The following PPP4R2 variants were observed in gnomAD, a reference collection of about 807,000 sequenced individuals.
PPP4R2 encodes protein phosphatase 4 regulatory subunit 2.
A neutral mutation model predicts 47.2 loss-of-function variants in PPP4R2; 13 were observed. The ratio of observed to expected loss-of-function variants is 0.28; its 90% CI spans 0.18 to 0.44. PPP4R2 has a LOEUF of 0.44. PPP4R2 is among the 20% of genes least tolerant of loss of function. The pLI, the probability that PPP4R2 is intolerant of heterozygous loss-of-function variation, is 1.00. For synonymous variants in PPP4R2, 151 were observed against 163.3 expected, an observed-to-expected ratio of 0.92 and a Z score of 0.57; for missense variants, 421 against 491.2, an observed-to-expected ratio of 0.86 and a Z score of 1.35.
At chr3:73,017,498 TG>T (rs1451573246) in intron 2 of PPP4R2, among the ~76,000 whole-genome samples, 2 of 152,130 alleles carry the variant, frequency 1.3e-5, no homozygotes, top group African/African-American at 4.8e-5. Context: ...TAGCCACTGG[TG>T]GGTCCCCTGC....
chr3:73,042,147 G>C (rs1376958881), intron 2 of PPP4R2, among the ~76,000 whole-genome samples: 1 of 152,018 alleles, frequency 6.6e-6, no homozygotes, highest in Non-Finnish European at 1.5e-5. Context: ...TATTGGAGGG[G>C]ATTTTATGTG....
intron 2 of PPP4R2, among the ~76,000 whole-genome samples, chr3:73,022,520 G>C (rs1361682186): frequency 6.6e-6 from 1 of 152,148 alleles, no homozygotes; most frequent in Non-Finnish European, 1.5e-5. Context: ...GGTTAGATTA[G>C]ATGGGAATAA....
At chr3:73,026,348 C>G (rs1575856590) in intron 2 of PPP4R2, among the ~76,000 whole-genome samples, 1 of 152,106 alleles carries the variant, frequency 6.6e-6, no homozygotes, top group African/African-American at 2.4e-5. Flanking sequence ...TTTTCTCCCT[C>G]TTCTGTGTTG....
intron 2 of PPP4R2, among the ~76,000 whole-genome samples, chr3:73,019,605 C>T (rs994186474): frequency 3.3e-5 from 5 of 152,196 alleles, no homozygotes; most frequent in African/African-American, 1.2e-4. Context: ...AACTCCTGAC[C>T]TCAGATGATC....
At chr3:73,065,194 G>C in intron 8 of PPP4R2, 53 bp downstream of exon 8, 1 of 1,497,266 alleles carries the variant, frequency 6.7e-7, no homozygotes. Context: ...TCAAATTCTT[G>C]TACTTCATTT....
chr3:73,062,983 G>A lies in PPP4R2; in HGVS notation c.420-690G>A, dbSNP rs1000279281. 14 of 1,182,152 alleles carry A rather than the reference G, an allele frequency of 1.2e-5. No individual in the cohort carries two copies. In the African/African-American group the frequency reaches 1.7e-4, roughly 15 times the overall value. 73.2% of individuals were successfully genotyped at this position (1,182,152 alleles called of 1,614,324 possible). On this transcript the variant is annotated intron_variant, in intron 5 of 8. Coordinates refer to ENST00000356692, the MANE Select transcript of PPP4R2 (RefSeq NM_174907.4). ...TGCATGGATGGCTCCATTGCTCTAC[G>A]GGCCATTGTGTCTGAGATCCCAGTC... is the stretch of plus-strand genomic sequence containing the variant.
In PPP4R2 at chr3:73,066,883, T is replaced by G. The variant is rs1203797030; in HGVS notation, c.*1161T>G. On this transcript the variant is annotated 3_prime_UTR_variant, in exon 9 of 9. Transcript: ENST00000356692. The stretch of plus-strand genomic sequence containing the variant: ...GAACATGCTTCTTCGACAGCCAGTG[T>G]TATATTTTTCAGATCAACACAAAGC... 6.6e-6 allele frequency: 1 copy of G among 152,102 alleles called. No homozygotes were observed. The highest frequency in any genetic ancestry group is 1.9e-4 in the East Asian group (1 of 5,198). The allele number at this position is 152,102 out of a possible 1,614,324, so 9.4% of individuals were successfully genotyped here.
chr3:73,055,466 A>G (rs944140910), intron 3 of PPP4R2, among the ~76,000 whole-genome samples: 1 of 137,992 alleles, frequency 7.2e-6, no homozygotes, highest in African/African-American at 2.8e-5. Context: ...ATTAAAATAT[A>G]TATATATATT....
chr3:72,998,593 A>T (rs911901128), intron 2 of PPP4R2, among the ~76,000 whole-genome samples: 2 of 152,020 alleles, frequency 1.3e-5, no homozygotes, highest in Non-Finnish European at 2.9e-5. Flanking sequence ...TTGCATATGT[A>T]GGTGTTTAAA....
chr3:73,009,014 G>A (rs1380860225), intron 2 of PPP4R2, among the ~76,000 whole-genome samples: 1 of 152,218 alleles, frequency 6.6e-6, no homozygotes, highest in East Asian at 1.9e-4. Flanking sequence ...GGTGCTTAAT[G>A]CAGCGACAGG....
Position 73,049,929 on chromosome 3 carries a change from A to G in PPP4R2, c.287+2573A>G, listed in dbSNP as rs140269746. 9.6e-3 allele frequency among the ~76,000 whole-genome samples: 1,458 copies of G among 151,962 alleles called. 10 individuals are homozygous for G. Among genetic ancestry groups the G allele is most frequent in the Non-Finnish European group, 0.013 (886 of 67,968 alleles). ...CTTTATTTTTGAACCGTATTTTGAAATTTTGTTTTGTTTTGTTTTATTTTA... is the reference window on the plus strand; with the variant it reads ...CTTTATTTTTGAACCGTATTTTGAAGTTTTGTTTTGTTTTGTTTTATTTTA... On this transcript the variant is annotated intron_variant, in intron 3 of 8. Coordinates refer to ENST00000356692, the MANE Select transcript of PPP4R2 (RefSeq NM_174907.4).
At position 73,019,836 on chromosome 3, in the gene PPP4R2, G is replaced by T. The variant is rs143880727; in HGVS notation, c.116+21678G>T. Among the ~76,000 whole-genome samples, 5 of 152,122 alleles carry T rather than the reference G, an allele frequency of 3.3e-5. No individual in the cohort carries two copies. In the East Asian group the frequency reaches 9.7e-4, roughly 29 times the overall value. On this transcript the variant is annotated intron_variant, in intron 2 of 8. Transcript: ENST00000356692. ...CAGATTCTGTCTATTTGTCCACTTG[G>T]CTCTTGTCTGAGAGCTTCCCAGATT...
At chr3:73,007,836 A>G (rs955538130) in intron 2 of PPP4R2, among the ~76,000 whole-genome samples, 1 of 152,148 alleles carries the variant, frequency 6.6e-6, no homozygotes, top group African/African-American at 2.4e-5. Flanking sequence ...TGTCTAACGT[A>G]GTATTTCTTG....
chr3:73,042,564 C>T (rs1161553562), intron 2 of PPP4R2, among the ~76,000 whole-genome samples: 2 of 151,932 alleles, frequency 1.3e-5, no homozygotes, highest in East Asian at 3.9e-4. Flanking sequence ...AGGATTTCAC[C>T]ATGTTGGCCA....
chr3:73,014,667 T>C (rs1701787169), intron 2 of PPP4R2, among the ~76,000 whole-genome samples: 1 of 152,232 alleles, frequency 6.6e-6, no homozygotes, highest in African/African-American at 2.4e-5. Flanking sequence ...ATTGTTTTAT[T>C]TTGTGCTAAC....
intron 2 of PPP4R2, among the ~76,000 whole-genome samples, chr3:73,042,126 AGTAT>A (rs1465887790): frequency 6.6e-6 from 1 of 152,100 alleles, no homozygotes; most frequent in Non-Finnish European, 1.5e-5. Flanking sequence ...TTAAATTTTG[AGTAT>A]GTATTTTATT....
chr3:73,064,748 T>C (rs1354061026), intron 7 of PPP4R2, 104 bp from the exon 8 acceptor site: 2 of 1,023,782 alleles, frequency 2.0e-6, no homozygotes, highest in Non-Finnish European at 2.9e-6. Flanking sequence ...TAATTTAACT[T>C]TGACACTGAA....
At position 73,066,461 on chromosome 3, in the gene PPP4R2, A is replaced by G. The variant is rs1472363391; in HGVS notation, c.*739A>G. On this transcript the variant is annotated 3_prime_UTR_variant, in exon 9 of 9. Coordinates refer to ENST00000356692, the MANE Select transcript of PPP4R2 (RefSeq NM_174907.4). ...GAAATACCAGGTTAAACACATTCCA[A>G]GAGATCTGTTCAAACTCAAATTCTT... The G allele has an allele frequency of 6.6e-6, 1 of 151,982 alleles. No individual in the cohort carries two copies. The highest frequency in any genetic ancestry group is 1.5e-5 in the Non-Finnish European group (1 of 67,926). 9.4% of individuals were successfully genotyped at this position (151,982 alleles called of 1,614,324 possible). A position where few individuals can be genotyped will look rare whatever the true frequency, so the allele number is the denominator to read the frequency against.
chr3:73,043,985 A>T (rs538992161), intron 2 of PPP4R2, among the ~76,000 whole-genome samples: 2 of 152,198 alleles, frequency 1.3e-5, no homozygotes, highest in Non-Finnish European at 2.9e-5. Context: ...GTGGAATCAT[A>T]CAATAGTCGT....
Sources: allele counts gnomAD v4.1 joint callset (sites outside exome capture counted in the v4.1 genomes callset), GRCh38; gene constraint gnomAD v4.1.1; transcripts MANE v1.5; gene names NCBI Gene and HGNC (gene_info 2026-07-23, HGNC 2026-07-21).